Variants in C1orf198 observed in about 807,000 individuals in gnomAD.
C1orf198 encodes chromosome 1 open reading frame 198.
In C1orf198, 17 loss-of-function variants were observed where a neutral mutation model predicts 31.4. That is an observed-to-expected ratio of 0.54 (90% CI 0.37 to 0.81). C1orf198 has a LOEUF of 0.81. Among genes scored for constraint, C1orf198 ranks in the 40% least tolerant of loss-of-function variants. The pLI is 0.00. For synonymous variants in C1orf198, 175 were observed against 193.8 expected (o/e 0.90, Z 0.81); for missense variants, 401 against 450.3 (o/e 0.89, Z 0.99).
At chr1:230,861,339 C>T (rs1057049381) in intron 1 of C1orf198, among the ~76,000 whole-genome samples, 3 of 152,098 alleles carry the variant, frequency 2.0e-5, no homozygotes, top group Non-Finnish European at 4.4e-5. Context: ...CTGTACTTTC[C>T]GCTCAATTTT....
rs113224865 is a variant in C1orf198, at chr1:230,861,404, A to C, written c.334-5686T>G. 2.3e-3 allele frequency among the ~76,000 whole-genome samples: 356 copies of C among 152,266 alleles called. 1 individual carries two copies. The highest frequency in any genetic ancestry group is 7.7e-3 in the African/African-American group (322 of 41,558). On this transcript the variant is annotated intron_variant, in intron 1 of 3. Coordinates refer to ENST00000366663, the MANE Select transcript of C1orf198 (RefSeq NM_032800.3). Reference sequence around the variant, plus strand: ...AATTTTTTTAAAGTGTGCCCCCCCCAAAAAAAGTAATAAACACTAGAAACT... The same window carrying C: ...AATTTTTTTAAAGTGTGCCCCCCCCCAAAAAAGTAATAAACACTAGAAACT...
At position 230,839,860 on chromosome 1, in the gene C1orf198, T is replaced by C. The variant is rs761042620; in HGVS notation, c.976A>G (p.Asn326Asp). 5 of 1,611,146 alleles carry C rather than the reference T, an allele frequency of 3.1e-6. No individual in the cohort carries two copies. The African/African-American group carries it at 4.0e-5, about 13-fold the overall frequency. ...VLKTGFDFLD[N>D]W ...TATTTTTCTAATACATTTTACCAAT[T>C]GTCCAGAAAATCAAATCCCGTCTTC... The change falls in exon 4 of 4, where the codon AAT (asparagine) becomes GAT (aspartate). Residue 326 changes from asparagine (N) to aspartate (D), a missense_variant. Transcript: ENST00000366663.
intron 1 of C1orf198, among the ~76,000 whole-genome samples, 183 bp downstream of exon 1, chr1:230,867,997 C>T (rs1670160062): frequency 6.6e-6 from 1 of 152,206 alleles, no homozygotes; most frequent in South Asian, 2.1e-4. Flanking sequence ...ACCAACTCCC[C>T]CAGCGGAGCC....
Position 230,843,928 on chromosome 1 carries a change from A to G in C1orf198, c.385-32T>C. 6.7e-7 allele frequency: 1 copy of G among 1,494,594 alleles called. No individual in the cohort carries two copies. Among genetic ancestry groups the G allele is most frequent in the Non-Finnish European group, 8.9e-7 (1 of 1,127,942 alleles). The allele number at this position is 1,494,594 out of a possible 1,614,324, so 92.6% of individuals were successfully genotyped here. A position where few individuals can be genotyped will look rare whatever the true frequency, so the allele number is the denominator to read the frequency against. ...TGGGACATGAGAAAGGACAGAAAAA[A>G]GAAAGAGATCCTGAGAATCGACCGT... On this transcript the variant is annotated intron_variant, in intron 2 of 3. Coordinates refer to ENST00000366663, the MANE Select transcript of C1orf198 (RefSeq NM_032800.3). This position sits in a 1 kb window ranked among gnomAD's most constrained non-coding sequence, Gnocchi z 4.9.
intron 1 of C1orf198, among the ~76,000 whole-genome samples, chr1:230,862,869 G>A (rs1558142897): frequency 1.3e-5 from 2 of 152,152 alleles, no homozygotes; most frequent in South Asian, 2.1e-4. Context: ...GGGTGGTAAC[G>A]ACGTGTCCAT....
chr1:230,855,616 C>T, intron 2 of C1orf198, 52 bp downstream of exon 2: 2 of 1,573,334 alleles, frequency 1.3e-6, no homozygotes, highest in South Asian at 1.2e-5. Context: ...AAATATACAA[C>T]TACTCAGTTC....
intron 1 of C1orf198, among the ~76,000 whole-genome samples, chr1:230,860,432 A>G (rs890737900): frequency 6.6e-6 from 1 of 152,254 alleles, no homozygotes; most frequent in African/African-American, 2.4e-5. Flanking sequence ...TGCCATTCAC[A>G]ATAGCCAAAA....
rs1669344786 is a variant in C1orf198, at chr1:230,838,009, C to G, written c.*1843G>C. The G allele has an allele frequency of 6.6e-6, 1 of 152,232 alleles. No individual in the cohort carries two copies. The allele number at this position is 152,232 out of a possible 1,614,324, so 9.4% of individuals were successfully genotyped here. ...GTCTTTCTTCTGTGCTACACCAACA[C>G]TACAGAATACAAACTCATACATATA... On this transcript the variant is annotated 3_prime_UTR_variant, in exon 4 of 4. Transcript: ENST00000366663. This position sits in a 1 kb window ranked among gnomAD's most constrained non-coding sequence, Gnocchi z 4.2.
rs1028784179 is a variant in C1orf198 at position 230,840,104 on chromosome 1, G to T, written c.928-196C>A. ...GTTCAATGCAATCTATACTCTGCCA[G>T]CATCCAACACTAACCCCTCTTCAAC... On this transcript the variant is annotated intron_variant, in intron 3 of 3. Transcript: ENST00000366663. This position sits in a 1 kb window ranked among gnomAD's most constrained non-coding sequence, Gnocchi z 4.0. Among the ~76,000 whole-genome samples, 7 of 152,186 alleles carry T rather than the reference G, an allele frequency of 4.6e-5. No individual in the cohort carries two copies. The highest frequency in any genetic ancestry group is 8.8e-5 in the Non-Finnish European group (6 of 68,050).
In C1orf198 at chr1:230,839,773, G is replaced by C; in HGVS notation, c.*79C>G. ...GAAACCAGTAAAATACATAGGAAAA[G>C]GTGGCCCTTTTTATCCTCCTCCACC... On this transcript the variant is annotated 3_prime_UTR_variant, in exon 4 of 4. Coordinates refer to ENST00000366663, the MANE Select transcript of C1orf198 (RefSeq NM_032800.3). 8.2e-7 allele frequency: 1 copy of C among 1,212,192 alleles called. No homozygotes were observed. 75.1% of individuals were successfully genotyped at this position (1,212,192 alleles called of 1,614,324 possible).
chr1:230,868,346 G>T lies in C1orf198; in HGVS notation c.167C>A (p.Pro56His), dbSNP rs746142157. The change falls in exon 1 of 4, where the codon CCC becomes CAC. Residue 56 changes from proline to histidine, a missense_variant. Coordinates refer to ENST00000366663, the MANE Select transcript of C1orf198 (RefSeq NM_032800.3). ...CGCGGGCGGCAGCCGCGCCCACTCGGGCCCGTACTTCTCGCGGATCTTCTC... is the reference window on the plus strand; with the variant it reads ...CGCGGGCGGCAGCCGCGCCCACTCGTGCCCGTACTTCTCGCGGATCTTCTC... ...DKEKIREKYG[P>H]EWARLPPAQQ... The T allele has an allele frequency of 6.3e-7, 1 of 1,597,204 alleles. No individual in the cohort carries two copies. Among genetic ancestry groups the T allele is most frequent in the East Asian group, 2.3e-5 (1 of 42,804 alleles).
chr1:230,850,478 C>T (rs1052724551), intron 2 of C1orf198, among the ~76,000 whole-genome samples: 6 of 152,076 alleles, frequency 3.9e-5, no homozygotes, highest in East Asian at 1.9e-4. Context: ...GGTCAGGGGA[C>T]GGAGCAAAAC....
chr1:230,868,752 C>G (rs1670189740), upstream of C1orf198: 1 of 172,264 alleles, frequency 5.8e-6, no homozygotes, highest in African/African-American at 2.5e-5. Context: ...CCCCACGAGT[C>G]CCCCTTTACG....
chr1:230,868,098 T>C, intron 1 of C1orf198, 82 bp downstream of exon 1: 1 of 1,258,182 alleles, frequency 7.9e-7, no homozygotes, highest in Non-Finnish European at 1.0e-6. Flanking sequence ...TGGGGCGGCC[T>C]CACGCCGGCA....
chr1:230,856,447 C>A (rs1669875908), intron 1 of C1orf198, among the ~76,000 whole-genome samples: 1 of 152,116 alleles, frequency 6.6e-6, no homozygotes, highest in Non-Finnish European at 1.5e-5. Context: ...CTGGCCTGCA[C>A]AAATGACTTG....
At chr1:230,851,493 C>T (rs1322959445) in intron 2 of C1orf198, among the ~76,000 whole-genome samples, 1 of 152,218 alleles carries the variant, frequency 6.6e-6, no homozygotes, top group East Asian at 1.9e-4. Context: ...CACTCCCTGC[C>T]TCCTCCTGTC....
In C1orf198 at chr1:230,843,241, A is replaced by G. The variant is rs1572125791; in HGVS notation, c.927+113T>C. On this transcript the variant is annotated intron_variant, in intron 3 of 3. Transcript: ENST00000366663. The surrounding 1 kb of genome is among the most constrained non-coding windows in gnomAD (Gnocchi z 4.9). ...CCTCTGAGGAAGAGGCAGGGGAAGG[A>G]GAAGAAAAAGAGCATGGGCACCTGT... 1.6e-6 allele frequency: 2 copies of G among 1,247,834 alleles called. No homozygotes were observed. Among genetic ancestry groups the G allele is most frequent in the East Asian group, 2.6e-5 (1 of 38,722 alleles). 77.3% of individuals were successfully genotyped at this position (1,247,834 alleles called of 1,614,324 possible). A position where few individuals can be genotyped will look rare whatever the true frequency, so the allele number is the denominator to read the frequency against.
In C1orf198 at chr1:230,838,886, A is replaced by C. The variant is rs1274205369; in HGVS notation, c.*966T>G. On this transcript the variant is annotated 3_prime_UTR_variant, in exon 4 of 4. Coordinates refer to ENST00000366663, the MANE Select transcript of C1orf198 (RefSeq NM_032800.3). This position sits in a 1 kb window ranked among gnomAD's most constrained non-coding sequence, Gnocchi z 4.2. The stretch of plus-strand genomic sequence containing the variant: ...TTCTGGTGGTGGTCAGGGCTGGGGA[A>C]GGTCCGTCATGACGCAACCTGGCTA... 1 of 152,370 alleles carries C rather than the reference A, an allele frequency of 6.6e-6. No individual in the cohort carries two copies. Among genetic ancestry groups the C allele is most frequent in the Non-Finnish European group, 1.5e-5 (1 of 68,154 alleles). The allele number at this position is 152,370 out of a possible 1,614,324, so 9.4% of individuals were successfully genotyped here. A position where few individuals can be genotyped will look rare whatever the true frequency, so the allele number is the denominator to read the frequency against.
At chr1:230,847,421 T>TG (rs959081977) in intron 2 of C1orf198, among the ~76,000 whole-genome samples, 1 of 152,088 alleles carries the variant, frequency 6.6e-6, no homozygotes, top group African/African-American at 2.4e-5. Context: ...AATGAGAAAA[T>TG]GGAGAATCGG....
Sources: gnomAD v4.1 joint callset for allele counts (sites outside exome capture counted in the v4.1 genomes callset) on GRCh38, gnomAD v4.1.1 for gene constraint, Gnocchi (gnomAD v3.1) non-coding constraint, MANE v1.5 for transcripts, NCBI Gene and HGNC (gene_info 2026-07-23, HGNC 2026-07-21) for gene names.